Variants in BMP3 observed in about 807,000 individuals in gnomAD.
The protein encoded by BMP3 is bone morphogenetic protein 3 (osteogenic).
BMP3 carries 23 observed loss-of-function variants against 38.1 expected under a neutral mutation model. That is an observed-to-expected ratio of 0.60 (90% CI 0.43 to 0.86). BMP3 has a LOEUF of 0.86. BMP3 is among the 40% of genes least tolerant of loss of function. The pLI is 0.00. For missense variants in BMP3, 628 were observed against 579.6 expected, an observed-to-expected ratio of 1.08 and a Z score of -0.86; for synonymous variants, 258 against 225.7, an observed-to-expected ratio of 1.14 and a Z score of -1.28.
chr4:81,049,727 T>G (rs145367138), intron 2 of BMP3, among the ~76,000 whole-genome samples: 1 of 152,186 alleles, frequency 6.6e-6, no homozygotes, highest in African/African-American at 2.4e-5. Context: ...GGGTAATTAA[T>G]AAACATCCCT....
In BMP3 at chr4:81,031,500, G is replaced by C. The variant is rs770326261; in HGVS notation, c.216G>C (p.Ala72=). 1 of 1,613,052 alleles carries C rather than the reference G, an allele frequency of 6.2e-7. No individual in the cohort carries two copies. The highest frequency in any genetic ancestry group is 2.2e-5 in the East Asian group (1 of 44,808). The part of the protein sequence containing the change: ...RLYDRYSTVQ[A]ARTPGSLEGG... ...ATGACAGGTACAGCACGGTCCAGGC[G>C]GCCCGGACACCGGGCTCCCTGGAGG... is the stretch of plus-strand genomic sequence containing the variant. Residue 72 remains alanine, a synonymous_variant, in exon 1 of 3, where the codon GCG becomes GCC. Transcript: ENST00000282701.
At chr4:81,050,478 C>T (rs1284630728) in intron 2 of BMP3, among the ~76,000 whole-genome samples, 2 of 151,732 alleles carry the variant, frequency 1.3e-5, no homozygotes, top group African/African-American at 2.4e-5. Context: ...AGTGATTGAG[C>T]TGTTGTCACT....
rs5004402 is a variant in BMP3, at chr4:81,054,375, G to A, written c.*839G>A. On this transcript the variant is annotated 3_prime_UTR_variant, in exon 3 of 3. Coordinates refer to ENST00000282701, the MANE Select transcript of BMP3 (RefSeq NM_001201.5). ...AAACCTAGTTTTTGAAAACACAAGT[G>A]TAATTCCTCTTTTGTACTTCTTTTT... 1 allele frequency: 152,430 copies of A among 152,620 alleles called. 76,121 individuals are homozygous for A. Among genetic ancestry groups the A allele is most frequent in the Middle Eastern group, 1 (294 of 294 alleles). 9.5% of individuals were successfully genotyped at this position (152,620 alleles called of 1,614,324 possible). A position where few individuals can be genotyped will look rare whatever the true frequency, so the allele number is the denominator to read the frequency against.
Position 81,046,194 on chromosome 4 carries a change from G to T in BMP3, c.773G>T (p.Ser258Ile), listed in dbSNP as rs774659530. ...AISEPESVVS[S>I]LQGHRNFPTG... ...TCTGAGCCAGAAAGTGTGGTATCAAGCTTACAGGGACACCGGAATTTTCCC... is the reference window on the plus strand; with the variant it reads ...TCTGAGCCAGAAAGTGTGGTATCAATCTTACAGGGACACCGGAATTTTCCC... Residue 258 changes from serine (S) to isoleucine (I), a missense_variant, in exon 2 of 3, where the codon AGC becomes ATC. Physicochemically the swap from Ser to Ile is moderately radical, Grantham distance 142. Transcript: ENST00000282701. 1 of 1,614,086 alleles carries T rather than the reference G, an allele frequency of 6.2e-7. No homozygotes were observed. The highest frequency in any genetic ancestry group is 8.5e-7 in the Non-Finnish European group (1 of 1,180,034).
rs1739776939 is a variant in BMP3 at position 81,031,708 on chromosome 4, C to T, written c.316+108C>T. 9.2e-6 allele frequency: 12 copies of T among 1,307,496 alleles called. No individual in the cohort carries two copies. In the South Asian group the frequency reaches 1.8e-4, roughly 20 times the overall value. The allele number at this position is 1,307,496 out of a possible 1,614,324, so 81.0% of individuals were successfully genotyped here. On this transcript the variant is annotated intron_variant, in intron 1 of 2. Coordinates refer to ENST00000282701, the MANE Select transcript of BMP3 (RefSeq NM_001201.5). ...CTTGCTTGGTGGCGCTGCCTAGGGA[C>T]CTTTCTCCGCCCTCCTCAGCTGCCC...
Position 81,031,440 on chromosome 4 carries a change from G to C in BMP3, c.156G>C (p.Pro52=), listed in dbSNP as rs1378061849. 1 of 1,613,748 alleles carries C rather than the reference G, an allele frequency of 6.2e-7. No homozygotes were observed. Residue 52 remains proline (P), a synonymous_variant, in exon 1 of 3, where the codon CCG becomes CCC. Coordinates refer to ENST00000282701, the MANE Select transcript of BMP3 (RefSeq NM_001201.5). Reference sequence around the variant, plus strand: ...GTGGCCCGGACTCCGAGCTGCAGCCGCAAGACAAGGTCTCTGAACACATGC... The same window carrying C: ...GTGGCCCGGACTCCGAGCTGCAGCCCCAAGACAAGGTCTCTGAACACATGC... ...AGGGPDSELQ[P]QDKVSEHMLR...
rs1251076167 is a variant in BMP3, at chr4:81,056,176, A to G, written c.*2640A>G. ...AGCTTTAGAAATCTCCTGATATTAAATTATTAAATTGGCATTCATGAAAAG... is the reference window on the plus strand; with the variant it reads ...AGCTTTAGAAATCTCCTGATATTAAGTTATTAAATTGGCATTCATGAAAAG... On this transcript the variant is annotated 3_prime_UTR_variant, in exon 3 of 3. Transcript: ENST00000282701. The G allele has an allele frequency of 6.6e-6, 1 of 152,128 alleles. No individual in the cohort carries two copies. Among genetic ancestry groups the G allele is most frequent in the African/African-American group, 2.4e-5 (1 of 41,438 alleles). 9.4% of individuals were successfully genotyped at this position (152,128 alleles called of 1,614,324 possible).
intron 1 of BMP3, among the ~76,000 whole-genome samples, chr4:81,041,922 T>C (rs536995431): frequency 2.6e-5 from 4 of 152,186 alleles, no homozygotes; most frequent in Non-Finnish European, 4.4e-5. Flanking sequence ...CTTCGGCAGC[T>C]TGTATTATCA....
At chr4:81,037,852 C>G (rs1434826495) in intron 1 of BMP3, among the ~76,000 whole-genome samples, 1 of 152,018 alleles carries the variant, frequency 6.6e-6, no homozygotes, top group Non-Finnish European at 1.5e-5. Flanking sequence ...GTTAATTGTT[C>G]TCAAAGTATA....
chr4:81,053,034 T>G (rs1740437892), intron 2 of BMP3, among the ~76,000 whole-genome samples: 1 of 152,166 alleles, frequency 6.6e-6, no homozygotes, highest in Non-Finnish European at 1.5e-5. Context: ...CCTCTACCAT[T>G]TACAAGCTAT....
chr4:81,048,570 C>A (rs745950124), intron 2 of BMP3, among the ~76,000 whole-genome samples: 1 of 152,130 alleles, frequency 6.6e-6, no homozygotes, highest in African/African-American at 2.4e-5. Context: ...CAATTACTTC[C>A]AATTTGTCCC....
At position 81,046,018 on chromosome 4, in the gene BMP3, T is replaced by C; in HGVS notation, c.597T>C (p.Ser199=). The C allele has an allele frequency of 1.2e-6, 2 of 1,614,182 alleles. No homozygotes were observed. The highest frequency in any genetic ancestry group is 1.7e-6 in the Non-Finnish European group (2 of 1,180,032). Residue 199 remains serine (S), a synonymous_variant, in exon 2 of 3, where the codon TCT becomes TCC. Transcript: ENST00000282701. ...ATCGAGATATTATGTCCTGGCTGTCTAAAGATATCACTCAACTCTTGAGGA... is the reference window on the plus strand; with the variant it reads ...ATCGAGATATTATGTCCTGGCTGTCCAAAGATATCACTCAACTCTTGAGGA... The part of the protein sequence containing the change: ...KSHRDIMSWL[S]KDITQLLRKA...
At position 81,030,927 on chromosome 4, in the gene BMP3, G is replaced by C. The variant is rs1739728997; in HGVS notation, c.-358G>C. ...TCCCTCGCGCGGCCAGTTTGGCCGG[G>C]TGTTCCCAAAAATAAAGCGAGGAGG... On this transcript the variant is annotated 5_prime_UTR_variant, in exon 1 of 3. Transcript: ENST00000282701. The C allele has an allele frequency of 4.5e-6, 1 of 220,444 alleles. No individual in the cohort carries two copies. The highest frequency in any genetic ancestry group is 2.3e-5 in the African/African-American group (1 of 42,826). The allele number at this position is 220,444 out of a possible 1,614,324, so 13.7% of individuals were successfully genotyped here.
In BMP3 at chr4:81,045,912, A is replaced by G. The variant is rs765450118; in HGVS notation, c.491A>G (p.Asp164Gly). The change falls in exon 2 of 3, where the codon GAT becomes GGT. Residue 164 changes from aspartate (D) to glycine (G), a missense_variant. Transcript: ENST00000282701. ...HHAQRKHIQIDLSAWTLKFSR... is the reference protein window; with the variant it reads ...HHAQRKHIQIGLSAWTLKFSR... The stretch of plus-strand genomic sequence containing the variant: ...GCTCAGAGGAAACACATTCAGATTG[A>G]TCTTTCTGCATGGACCCTCAAATTC... The G allele has an allele frequency of 3.7e-6, 6 of 1,613,976 alleles. No individual in the cohort carries two copies. The highest frequency in any genetic ancestry group is 1.3e-5 in the African/African-American group (1 of 74,908).
In BMP3 at chr4:81,056,823, A is replaced by G. The variant is rs768600023; in HGVS notation, c.*3287A>G. 2.6e-5 allele frequency: 4 copies of G among 152,742 alleles called. No homozygotes were observed. Among genetic ancestry groups the G allele is most frequent in the Middle Eastern group, 3.4e-3 (1 of 294 alleles). The allele number at this position is 152,742 out of a possible 1,614,324, so 9.5% of individuals were successfully genotyped here. On this transcript the variant is annotated 3_prime_UTR_variant, in exon 3 of 3. Transcript: ENST00000282701. ...TGCCCATTTAATATTTTCATAGGCA[A>G]TCAAATGTGAGTAATACTGCTAAGA...
chr4:81,033,234 C>A (rs937922845), intron 1 of BMP3, among the ~76,000 whole-genome samples: 8 of 152,176 alleles, frequency 5.3e-5, no homozygotes, highest in Non-Finnish European at 1.2e-4. Flanking sequence ...ATAGAATGAA[C>A]CACATGGTTT....
rs765453612 is a variant in BMP3 at position 81,046,333 on chromosome 4, G to T, written c.912G>T (p.Gly304=). 1.2e-6 allele frequency: 2 copies of T among 1,613,952 alleles called. No individual in the cohort carries two copies. Among genetic ancestry groups the T allele is most frequent in the Admixed American group, 3.3e-5 (2 of 59,968 alleles). ...LLPLQNNELP[G]AEYQYKKDEV... ...CTCTGCAGAACAACGAGCTTCCTGGGGCAGAATACCAGTATAAAAAGGATG... is the reference window on the plus strand; with the variant it reads ...CTCTGCAGAACAACGAGCTTCCTGGTGCAGAATACCAGTATAAAAAGGATG... Residue 304 remains glycine (G), a synonymous_variant, in exon 2 of 3, where the codon GGG becomes GGT. Transcript: ENST00000282701.
chr4:81,046,931 A>G (rs764027555), intron 2 of BMP3, among the ~76,000 whole-genome samples: 1 of 152,236 alleles, frequency 6.6e-6, no homozygotes, highest in Non-Finnish European at 1.5e-5. Context: ...GCTTCTCAAC[A>G]TGGTGCATAT....
At chr4:81,047,584 A>G (rs974962671) in intron 2 of BMP3, among the ~76,000 whole-genome samples, 3 of 150,768 alleles carry the variant, frequency 2.0e-5, no homozygotes, top group Non-Finnish European at 4.4e-5. Context: ...AACAGAATTC[A>G]GAGGAAGAAT....
Sources: gnomAD v4.1 joint callset for allele counts (sites outside exome capture counted in the v4.1 genomes callset) on GRCh38, gnomAD v4.1.1 for gene constraint, MANE v1.5 for transcripts, NCBI Gene and HGNC (gene_info 2026-07-23, HGNC 2026-07-21) for gene names.